KAZN: variants seen among roughly 807,000 people sequenced by gnomAD.
KAZN encodes kazrin, periplakin interacting protein.
KAZN carries 40 observed loss-of-function variants against 87.4 expected under a neutral mutation model. The ratio of observed to expected loss-of-function variants is 0.46; its 90% CI spans 0.36 to 0.60. The LOEUF (loss-of-function observed/expected upper bound fraction) is 0.60. KAZN is among the 20% of genes least tolerant of loss of function. The pLI is 0.00. For synonymous variants in KAZN, 466 were observed against 458.3 expected, an observed-to-expected ratio of 1.02 and a Z score of -0.22; for missense variants, 898 against 1,073.9, an observed-to-expected ratio of 0.84 and a Z score of 2.29.
intron 1 of KAZN, among the ~76,000 whole-genome samples, chr1:13,993,942 G>A (rs1051125874): frequency 6.6e-6 from 1 of 152,184 alleles, no homozygotes. Context: ...AAAATTGGGA[G>A]CCATTTTGTT....
chr1:14,133,808 G>C (rs919118508), intron 1 of KAZN, among the ~76,000 whole-genome samples: 6 of 152,150 alleles, frequency 3.9e-5, no homozygotes, highest in African/African-American at 1.4e-4. Context: ...CATAGGTTTG[G>C]GGATGCTGGA....
chr1:15,111,755 C>G (rs1003883273), intron 13 of KAZN: 1 of 152,568 alleles, frequency 6.6e-6, no homozygotes, highest in Non-Finnish European at 1.5e-5. Flanking sequence ...AAGTCTACAA[C>G]TCTGTCCTTA....
At chr1:14,763,865 T>C (rs1234078418) in intron 1 of KAZN, among the ~76,000 whole-genome samples, 1 of 152,196 alleles carries the variant, frequency 6.6e-6, no homozygotes, top group Non-Finnish European at 1.5e-5. Context: ...TTCTCCTGCC[T>C]CAGCCTCCCA....
Position 15,056,370 on chromosome 1 carries a change from C to T in KAZN, c.916+90C>T, listed in dbSNP as rs1024543335. Reference sequence around the variant, plus strand: ...CAGTGGGAGAGGCAGCTGCTTTGTTCGTACTACAGCAGCTTGGGGGCGTGG... The same window carrying T: ...CAGTGGGAGAGGCAGCTGCTTTGTTTGTACTACAGCAGCTTGGGGGCGTGG... On this transcript the variant is annotated intron_variant, in intron 5 of 14. Coordinates refer to ENST00000376030, the MANE Select transcript of KAZN (RefSeq NM_201628.3). This position sits in a 1 kb window ranked among gnomAD's most constrained non-coding sequence, Gnocchi z 5.4. 1.4e-5 allele frequency: 18 copies of T among 1,312,634 alleles called. No homozygotes were observed. The highest frequency in any genetic ancestry group is 4.9e-5 in the Admixed American group (2 of 41,022). The allele number at this position is 1,312,634 out of a possible 1,614,324, so 81.3% of individuals were successfully genotyped here.
In KAZN at chr1:14,465,226, C is replaced by T. The variant is rs186365908; in HGVS notation, c.250-133757C>T. 6.3e-3 allele frequency among the ~76,000 whole-genome samples: 950 copies of T among 151,674 alleles called. 11 individuals are homozygous for T. The highest frequency in any genetic ancestry group is 0.021 in the African/African-American group (870 of 41,360). On this transcript the variant is annotated intron_variant, in intron 2 of 16. Transcript: ENST00000636203. Reference sequence around the variant, plus strand: ...CATCCTGGCTAACATGGTGAAACCCCATCTCTACTAAAAATACAAAAAATT... The same window carrying T: ...CATCCTGGCTAACATGGTGAAACCCTATCTCTACTAAAAATACAAAAAATT...
intron 2 of KAZN, among the ~76,000 whole-genome samples, chr1:14,440,395 A>T (rs1029224343): frequency 6.6e-6 from 1 of 152,216 alleles, no homozygotes; most frequent in African/African-American, 2.4e-5. Context: ...TGCTGTAGAC[A>T]TGAAGGATCG....
chr1:13,913,084 C>T (rs1557716357), intron 1 of KAZN, among the ~76,000 whole-genome samples: 1 of 152,026 alleles, frequency 6.6e-6, no homozygotes, highest in Non-Finnish European at 1.5e-5. Flanking sequence ...GGTCACTGGA[C>T]CCTCTCCTAA....
intron 1 of KAZN, among the ~76,000 whole-genome samples, chr1:14,770,373 G>A (rs529262669): frequency 1.0e-3 from 153 of 152,282 alleles, no homozygotes; most frequent in African/African-American, 3.3e-3. Flanking sequence ...GATAGAGAAC[G>A]GATAATGCCA....
chr1:14,065,961 TG>T (rs574064535), intron 1 of KAZN, among the ~76,000 whole-genome samples: 94 of 152,334 alleles, frequency 6.2e-4, no homozygotes, highest in African/African-American at 2.2e-3. Context: ...GTTTTTGTTT[TG>T]TTTTGTCTTT....
intron 2 of KAZN, among the ~76,000 whole-genome samples, chr1:14,523,454 G>A (rs892866561): frequency 6.6e-6 from 1 of 152,178 alleles, no homozygotes; most frequent in African/African-American, 2.4e-5. Context: ...CAGAGACATG[G>A]AAAGGGCGGA....
At chr1:14,161,344 G>C (rs1049853492) in intron 1 of KAZN, among the ~76,000 whole-genome samples, 3 of 152,218 alleles carry the variant, frequency 2.0e-5, no homozygotes, top group Non-Finnish European at 2.9e-5. Flanking sequence ...TGCAGTCACA[G>C]TGTTGCCTGG....
intron 2 of KAZN, among the ~76,000 whole-genome samples, chr1:14,962,999 G>T (rs1015398051): frequency 1.3e-5 from 2 of 151,440 alleles, no homozygotes; most frequent in Non-Finnish European, 3.0e-5. Context: ...GGCTTTGCAG[G>T]AGGTTGTGAG....
intron 2 of KAZN, among the ~76,000 whole-genome samples, chr1:14,562,419 A>C (rs1557802179): frequency 6.6e-6 from 1 of 152,158 alleles, no homozygotes; most frequent in East Asian, 1.9e-4. Context: ...GACTGTATAA[A>C]CCTTAGCAAA....
intron 2 of KAZN, among the ~76,000 whole-genome samples, chr1:14,261,765 C>T (rs1234112309): frequency 2.0e-5 from 3 of 152,166 alleles, no homozygotes; most frequent in Non-Finnish European, 4.4e-5. Flanking sequence ...ACTCGAGCTG[C>T]AGCTTAAACG....
rs550631429 is a variant in KAZN, at chr1:14,310,156, A to G, written c.249+129564A>G. ...TGAACACATGGCAGTGGGAAGAAGG[A>G]TATTACAGGCAATGTGTGAGCAGAA... On this transcript the variant is annotated intron_variant, in intron 2 of 16. Coordinates refer to the KAZN transcript ENST00000636203. 3.9e-5 allele frequency among the ~76,000 whole-genome samples: 6 copies of G among 152,266 alleles called. No individual in the cohort carries two copies. The South Asian group carries it at 1.2e-3, about 32-fold the overall frequency.
At chr1:14,042,787 G>A (rs1324078860) in intron 1 of KAZN, among the ~76,000 whole-genome samples, 2 of 152,136 alleles carry the variant, frequency 1.3e-5, no homozygotes, top group Non-Finnish European at 2.9e-5. Context: ...AAGATCATTT[G>A]ATGTATCATC....
At chr1:15,001,763 T>C (rs1291578389) in intron 2 of KAZN, among the ~76,000 whole-genome samples, 1 of 152,056 alleles carries the variant, frequency 6.6e-6, no homozygotes, top group African/African-American at 2.4e-5. Flanking sequence ...ATGTTAATCA[T>C]TGTTCAGAAG....
chr1:13,948,222 G>T (rs1016289814), intron 1 of KAZN, among the ~76,000 whole-genome samples: 1 of 152,100 alleles, frequency 6.6e-6, no homozygotes, highest in African/African-American at 2.4e-5. Flanking sequence ...CCTTCATATG[G>T]TTTGGCTCTG....
intron 1 of KAZN, among the ~76,000 whole-genome samples, chr1:14,001,710 A>G (rs1639799469): frequency 6.6e-6 from 1 of 152,154 alleles, no homozygotes; most frequent in South Asian, 2.1e-4. Context: ...TACATCTACA[A>G]CCATCTGATC....
Sources: gnomAD v4.1 joint callset for allele counts (sites outside exome capture counted in the v4.1 genomes callset) on GRCh38, gnomAD v4.1.1 for gene constraint, Gnocchi (gnomAD v3.1) non-coding constraint, MANE v1.5 for transcripts, NCBI Gene and HGNC (gene_info 2026-07-23, HGNC 2026-07-21) for gene names.